The following ARHGAP21 variants were observed in gnomAD, a reference collection of about 807,000 sequenced individuals.
ARHGAP21 encodes rho GTPase-activating protein 21.
In ARHGAP21, 38 loss-of-function variants were observed where a neutral mutation model predicts 164.6. The observed-to-expected ratio is 0.23, with a 90% confidence interval of 0.18 to 0.30. The LOEUF is 0.30. Among genes scored for constraint, ARHGAP21 ranks in the 10% least tolerant of loss-of-function variants. The pLI is 1.00. For synonymous variants in ARHGAP21, 766 were observed against 857.9 expected (o/e 0.89, Z 1.87); for missense variants, 1,822 against 2,370.7 (o/e 0.77, Z 4.81).
At chr10:24,714,775 CTG>C (rs1448096670) in intron 2 of ARHGAP21, among the ~76,000 whole-genome samples, 1 of 152,106 alleles carries the variant, frequency 6.6e-6, no homozygotes, top group Non-Finnish European at 1.5e-5. Context: ...TGGTTCACGC[CTG>C]TAATCCTAGC....
At chr10:24,592,641 C>T (rs1352862051) in intron 21 of ARHGAP21, among the ~76,000 whole-genome samples, 1 of 151,770 alleles carries the variant, frequency 6.6e-6, no homozygotes, top group Non-Finnish European at 1.5e-5. Flanking sequence ...ATTAGTCAGG[C>T]ACGATGGTGT....
At chr10:24,594,337 CT>C (rs1379598165) in intron 21 of ARHGAP21, among the ~76,000 whole-genome samples, 2 of 152,146 alleles carry the variant, frequency 1.3e-5, no homozygotes, top group East Asian at 3.9e-4. Context: ...TACAAAGACA[CT>C]TTTACAATCA....
At chr10:24,644,322 T>C (rs1295205955) in intron 4 of ARHGAP21, among the ~76,000 whole-genome samples, 3 of 152,154 alleles carry the variant, frequency 2.0e-5, no homozygotes, top group Non-Finnish European at 4.4e-5. Flanking sequence ...AGCTACCCTC[T>C]CTATCCCTTT....
intron 5 of ARHGAP21, 125 bp from the exon 6 acceptor site, chr10:24,633,605 G>A: frequency 1.9e-6 from 1 of 513,690 alleles, no homozygotes; most frequent in South Asian, 3.9e-5. Flanking sequence ...ATAAAATACA[G>A]AGTTGTGAGA....
At chr10:24,709,738 T>TAA (rs201779827) in intron 2 of ARHGAP21, among the ~76,000 whole-genome samples, 83 of 131,062 alleles carry the variant, frequency 6.3e-4, no homozygotes, top group African/African-American at 2.2e-3. Flanking sequence ...AACCTTCTCT[T>TAA]AAAAAAAAAA....
chr10:24,586,209 T>C, intron 25 of ARHGAP21, 103 bp from the exon 26 acceptor site: 1 of 1,371,828 alleles, frequency 7.3e-7, no homozygotes. Context: ...TTATATCTAC[T>C]AAAGCTCTGG....
chr10:24,622,820 T>C lies in ARHGAP21; in HGVS notation c.496-58A>G, dbSNP rs1834715274. ...GCTTACTGATATAAAGACAAAATCA[T>C]GTTGTCATATTGATGCTGGAAACGG... On this transcript the variant is annotated intron_variant, in intron 7 of 25. Coordinates refer to ENST00000396432, the MANE Select transcript of ARHGAP21 (RefSeq NM_020824.4). The C allele has an allele frequency of 5.2e-6, 8 of 1,541,246 alleles. No homozygotes were observed. In the South Asian group the frequency reaches 5.8e-5, roughly 11 times the overall value.
intron 4 of ARHGAP21, among the ~76,000 whole-genome samples, chr10:24,661,943 AAT>A (rs544594689): frequency 4.7e-4 from 71 of 152,320 alleles, no homozygotes; most frequent in African/African-American, 1.5e-3. Context: ...GCCTTTGTGA[AAT>A]AGCCTGAGAC....
intron 9 of ARHGAP21, among the ~76,000 whole-genome samples, chr10:24,613,459 G>A (rs1367927979): frequency 1.3e-5 from 2 of 152,124 alleles, no homozygotes; most frequent in African/African-American, 4.8e-5. Flanking sequence ...TTAAGACCAA[G>A]TTTCTTTAAT....
At chr10:24,713,546 C>G (rs530027754) in intron 2 of ARHGAP21, among the ~76,000 whole-genome samples, 1 of 151,980 alleles carries the variant, frequency 6.6e-6, no homozygotes, top group Non-Finnish European at 1.5e-5. Context: ...TTCTTTTATT[C>G]ACAAATCTAC....
intron 2 of ARHGAP21, among the ~76,000 whole-genome samples, chr10:24,699,336 A>ATTC (rs2132100432): frequency 6.6e-6 from 1 of 151,740 alleles, no homozygotes; most frequent in African/African-American, 2.4e-5. Flanking sequence ...TATTATTATT[A>ATTC]TTTTTTTGAG....
At position 24,597,488 on chromosome 10, in the gene ARHGAP21, T is replaced by A. The variant is rs774595141; in HGVS notation, c.3293A>T (p.His1098Leu). Residue 1098 changes from histidine to leucine, a missense_variant, in exon 16 of 26, where the codon CAC becomes CTC. By Grantham distance (99) the His-to-Leu change is moderately conservative (BLOSUM62 -3). This residue lies in a region of ARHGAP21 where 1,090 missense variants were observed against 1,378.9 expected (regional missense o/e 0.79). Transcript: ENST00000396432. ...CCTTTCCGACTCTTCCTTCGGAGAG[T>A]GTGGGCTTTGAGTCTTTGGCTCTGA... ...AKSEPKTQSP[H>L]SPKEESERKL... 1 of 1,613,888 alleles carries A rather than the reference T, an allele frequency of 6.2e-7. No homozygotes were observed. Among genetic ancestry groups the A allele is most frequent in the Admixed American group, 1.7e-5 (1 of 59,980 alleles).
At chr10:24,719,600 CAAT>C (rs1188455591) in intron 2 of ARHGAP21, among the ~76,000 whole-genome samples, 1 of 152,074 alleles carries the variant, frequency 6.6e-6, no homozygotes, top group Non-Finnish European at 1.5e-5. Context: ...GTTAAAAACA[CAAT>C]AATAAATGTA....
Position 24,619,844 on chromosome 10 carries a change from G to C in ARHGAP21, c.2051C>G (p.Ser684Cys), listed in dbSNP as rs140335265. ...AGGCTTGGCAGAGGCTCCAGATAAA[G>C]AGGGGGATTTCCCAGTCTCCACTTG... The part of the protein sequence containing the change: ...DQQVETGKSP[S>C]LSGASAKPAP... Residue 684 changes from serine to cysteine, a missense_variant, in exon 9 of 26, where the codon TCT (serine) becomes TGT (cysteine). Physicochemically the swap from Ser to Cys is moderately radical, Grantham distance 112 (BLOSUM62 -1). Transcript: ENST00000396432. 801 of 1,614,210 alleles carry C rather than the reference G, an allele frequency of 5.0e-4. 6 individuals are homozygous for C. The African/African-American group carries it at 9.1e-3, about 18-fold the overall frequency.
rs73606542 is a variant in ARHGAP21 at position 24,676,538 on chromosome 10, G to A, written c.64-6141C>T. On this transcript the variant is annotated intron_variant, in intron 2 of 25. Transcript: ENST00000396432. The stretch of plus-strand genomic sequence containing the variant: ...AATAGATACTGGAGACTCCAAAAGC[G>A]GGGAGGGTGGAAAGGGATGAGGGTG... Among the ~76,000 whole-genome samples the A allele has an allele frequency of 6.0e-3, 917 of 152,268 alleles. 12 individuals carry two copies. The highest frequency in any genetic ancestry group is 0.02 in the African/African-American group (840 of 41,560).
intron 9 of ARHGAP21, 49 bp downstream of exon 9, chr10:24,619,424 G>A (rs760682893): frequency 1.3e-6 from 2 of 1,518,200 alleles, no homozygotes; most frequent in South Asian, 1.3e-5. Context: ...TTTCTGGAAA[G>A]ATTTCTTATA....
chr10:24,620,850 C>T lies in ARHGAP21; in HGVS notation c.1045G>A (p.Gly349Arg). ...CCATCAGAATGTCCACTGTAATTTC[C>T]AGACTTAAGTAAAATTCCAGAAGGT... is the stretch of plus-strand genomic sequence containing the variant. ...LEPSGILLKS[G>R]NYSGHSDGIS... Residue 349 changes from glycine to arginine, a missense_variant, in exon 9 of 26, where the codon GGA (glycine) becomes AGA (arginine). Physicochemically the swap from Gly to Arg is moderately radical, Grantham distance 125 (BLOSUM62 -2). Around this residue, in one of 5 missense-constraint regions of ARHGAP21, gnomAD observed 1,090 missense variants for 1,378.9 expected, o/e 0.79. Coordinates refer to ENST00000396432, the MANE Select transcript of ARHGAP21 (RefSeq NM_020824.4). The T allele has an allele frequency of 6.2e-7, 1 of 1,614,000 alleles. No individual in the cohort carries two copies. The highest frequency in any genetic ancestry group is 1.1e-5 in the South Asian group (1 of 91,074).
intron 2 of ARHGAP21, among the ~76,000 whole-genome samples, chr10:24,704,568 G>A (rs906515469): frequency 1.7e-4 from 26 of 151,684 alleles, no homozygotes; most frequent in Admixed American, 3.9e-4. Context: ...AGGTTCAAGC[G>A]ATTCTCATGC....
chr10:24,706,605 T>C (rs529916914), intron 2 of ARHGAP21: 2 of 152,784 alleles, frequency 1.3e-5, no homozygotes, highest in East Asian at 1.9e-4. Context: ...TGACTGCCTA[T>C]AGCACAGTCT....
Sources: gnomAD v4.1 joint callset for allele counts (sites outside exome capture counted in the v4.1 genomes callset) on GRCh38, gnomAD v4.1.1 for gene constraint, gnomAD v4.1.1 regional missense constraint, MANE v1.5 for transcripts, NCBI Gene and HGNC (gene_info 2026-07-23, HGNC 2026-07-21) for gene names.